Variants in NREP observed in about 807,000 individuals in gnomAD.
NREP encodes the protein neuronal regeneration-related protein.
A neutral mutation model predicts 8.6 loss-of-function variants in NREP; 5 were observed. That is an observed-to-expected ratio of 0.58 (90% CI 0.30 to 1.22). The LOEUF is 1.22. Ranked by LOEUF, NREP falls within the 50% of genes most tolerant of loss-of-function variation. The pLI, the probability that NREP is intolerant of heterozygous loss-of-function variation, is 0.07. For synonymous variants in NREP, 27 were observed against 28.0 expected, an observed-to-expected ratio of 0.96 and a Z score of 0.11; for missense variants, 86 against 82.5, an observed-to-expected ratio of 1.04 and a Z score of -0.17.
intron 2 of NREP, among the ~76,000 whole-genome samples, chr5:111,859,186 C>T (rs17494391): frequency 0.084 from 12,733 of 152,118 alleles, 713 homozygotes; most frequent in Non-Finnish European, 0.12. Context: ...CTCCTTGTCT[C>T]TCACCCATTG....
chr5:111,841,636 A>T (rs1314221377), intron 2 of NREP, among the ~76,000 whole-genome samples: 4 of 152,056 alleles, frequency 2.6e-5, no homozygotes, highest in Non-Finnish European at 5.9e-5. Context: ...GGGTGTTCGT[A>T]AACCTGGGGT....
intron 2 of NREP, among the ~76,000 whole-genome samples, chr5:111,971,864 T>C (rs1393263398): frequency 6.6e-6 from 1 of 151,292 alleles, no homozygotes; most frequent in East Asian, 1.9e-4. Context: ...CCTGAAAGCG[T>C]GGGCAGCCAA....
Position 111,876,520 on chromosome 5 carries a change from CACAG to C in NREP, c.135+98750_135+98753del, listed in dbSNP as rs369715558. ...CTGGTCTCCAATGAAACACAGTTCC[CACAG>C]ACAGTCACAGGAATAGGATTCTGAA... On this transcript the variant is annotated intron_variant, in intron 2 of 3. Transcript: ENST00000395634. 7.9e-4 allele frequency among the ~76,000 whole-genome samples: 120 copies of C among 152,258 alleles called. 2 individuals carry two copies. The South Asian group carries it at 0.024, about 31-fold the overall frequency.
At chr5:111,880,019 CA>C (rs1754010820) in intron 2 of NREP, among the ~76,000 whole-genome samples, 1 of 152,146 alleles carries the variant, frequency 6.6e-6, no homozygotes, top group Non-Finnish European at 1.5e-5. Flanking sequence ...CAGTTTATAA[CA>C]GTGCTTGAAA....
intron 2 of NREP, among the ~76,000 whole-genome samples, chr5:111,825,607 GA>G (rs1752604360): frequency 6.6e-6 from 1 of 152,160 alleles, no homozygotes. Flanking sequence ...TGGAATGCAA[GA>G]AAATCAGATG....
intron 2 of NREP, among the ~76,000 whole-genome samples, chr5:111,911,896 C>T (rs1754922744): frequency 6.6e-6 from 1 of 152,026 alleles, no homozygotes; most frequent in Non-Finnish European, 1.5e-5. Context: ...CAGGTAGTGC[C>T]CACCACCATC....
chr5:111,886,982 A>G (rs1754268276), intron 2 of NREP, among the ~76,000 whole-genome samples: 1 of 150,592 alleles, frequency 6.6e-6, no homozygotes, highest in Non-Finnish European at 1.5e-5. Flanking sequence ...TAATAATAAA[A>G]TAAAAAATAG....
chr5:111,793,201 G>C (rs1480831998), intron 2 of NREP, among the ~76,000 whole-genome samples: 1 of 152,142 alleles, frequency 6.6e-6, no homozygotes, highest in Non-Finnish European at 1.5e-5. Flanking sequence ...GGCTTCTCAA[G>C]AGAAACAGAA....
chr5:111,773,806 A>T (rs1170536368), intron 2 of NREP, among the ~76,000 whole-genome samples: 2 of 152,058 alleles, frequency 1.3e-5, no homozygotes, highest in African/African-American at 4.8e-5. Context: ...GTCAAGTCCA[A>T]ATTTGGTTCT....
chr5:111,933,177 A>G (rs1015700989), intron 2 of NREP, among the ~76,000 whole-genome samples: 2 of 152,108 alleles, frequency 1.3e-5, no homozygotes, highest in Non-Finnish European at 2.9e-5. Context: ...GCAATTGGAT[A>G]TATAAGGAAC....
At chr5:111,734,534 G>A in intron 3 of NREP, 1 of 440,790 alleles carries the variant, frequency 2.3e-6, no homozygotes, top group East Asian at 3.4e-5. Flanking sequence ...TTTTCTTTCA[G>A]TGCAAACTGC....
intron 2 of NREP, among the ~76,000 whole-genome samples, chr5:111,786,353 C>G (rs1270425677): frequency 6.6e-6 from 1 of 152,100 alleles, no homozygotes; most frequent in African/African-American, 2.4e-5. Context: ...TATAAATTAC[C>G]CAGTCTCAGG....
chr5:111,921,500 G>A (rs766933148), intron 2 of NREP, among the ~76,000 whole-genome samples: 5 of 152,100 alleles, frequency 3.3e-5, no homozygotes, highest in Non-Finnish European at 7.4e-5. Flanking sequence ...ACAAGGTGTA[G>A]GTCACACTTT....
At chr5:111,751,449 AT>A (rs1750356661) in intron 2 of NREP, among the ~76,000 whole-genome samples, 1 of 152,216 alleles carries the variant, frequency 6.6e-6, no homozygotes, top group Non-Finnish European at 1.5e-5. Context: ...TACAAAATAT[AT>A]TCAGAAAAAT....
chr5:111,959,619 C>T (rs34191065), intron 2 of NREP, among the ~76,000 whole-genome samples: 14,302 of 151,854 alleles, frequency 0.094, 981 homozygotes, highest in Non-Finnish European at 0.13. Context: ...GATTTTTGAC[C>T]TATGGTCAAA....
intron 2 of NREP, among the ~76,000 whole-genome samples, chr5:111,961,784 G>A (rs1387338238): frequency 6.6e-6 from 1 of 152,138 alleles, no homozygotes; most frequent in Non-Finnish European, 1.5e-5. Flanking sequence ...AATGCCTTTA[G>A]AGACTAAGCA....
intron 2 of NREP, among the ~76,000 whole-genome samples, chr5:111,901,071 G>A (rs543409392): frequency 2.0e-5 from 3 of 152,032 alleles, no homozygotes; most frequent in Non-Finnish European, 4.4e-5. Flanking sequence ...TGATCAAGTG[G>A]AATTTAGCCA....
intron 2 of NREP, among the ~76,000 whole-genome samples, chr5:111,969,170 G>GTTTCCA: frequency 3.3e-5 from 5 of 152,240 alleles, no homozygotes; most frequent in African/African-American, 1.2e-4. Context: ...GTGGAACACA[G>GTTTCCA]AATGTTGCCT....
intron 2 of NREP, among the ~76,000 whole-genome samples, chr5:111,962,416 CAGA>C (rs1422692814): frequency 6.6e-6 from 1 of 152,116 alleles, no homozygotes; most frequent in Non-Finnish European, 1.5e-5. Context: ...ATCAGTATCA[CAGA>C]AGAAATGTTC....
Sources: allele counts gnomAD v4.1 joint callset (sites outside exome capture counted in the v4.1 genomes callset), GRCh38; gene constraint gnomAD v4.1.1; transcripts MANE v1.5; gene names NCBI Gene and HGNC (gene_info 2026-07-23, HGNC 2026-07-21).